The following CYFIP1 variants were observed in gnomAD, a reference collection of about 807,000 sequenced individuals.
CYFIP1 encodes the protein cytoplasmic FMR1-interacting protein 1.
In CYFIP1, 58 loss-of-function variants were observed where a neutral mutation model predicts 163.5. That is an observed-to-expected ratio of 0.35 (90% CI 0.29 to 0.44). The LOEUF (loss-of-function observed/expected upper bound fraction) is 0.44. CYFIP1 is among the 20% of genes least tolerant of loss of function. The probability of loss-of-function intolerance (pLI) is 1.00; values close to 1 mark genes in which losing one functional copy is unlikely to be tolerated. For missense variants in CYFIP1, 1,338 were observed against 1,653.8 expected (o/e 0.81, Z 3.31); for synonymous variants, 663 against 660.7 (o/e 1.00, Z -0.05).
chr15:22,971,005 G>A (rs1333813959), intron 1 of CYFIP1, among the ~76,000 whole-genome samples: 2 of 152,082 alleles, frequency 1.3e-5, no homozygotes, highest in Admixed American at 6.5e-5. Flanking sequence ...GAACCCGGGA[G>A]GCGGAGCTTG....
intron 23 of CYFIP1, among the ~76,000 whole-genome samples, chr15:22,885,739 C>T (rs1224146290): frequency 6.6e-6 from 1 of 152,090 alleles, no homozygotes; most frequent in South Asian, 2.1e-4. Context: ...TTTCAAAAAA[C>T]AAACAAACAA....
At chr15:22,962,325 T>C (rs1369323147) in intron 1 of CYFIP1, among the ~76,000 whole-genome samples, 5 of 152,212 alleles carry the variant, frequency 3.3e-5, no homozygotes, top group Non-Finnish European at 1.5e-5. Context: ...AGTGAGCCCC[T>C]GCTCTGCACC....
chr15:22,947,209 T>G lies in CYFIP1; in HGVS notation c.77A>C (p.Gln26Pro). 1.2e-6 allele frequency: 2 copies of G among 1,614,056 alleles called. No homozygotes were observed. Among genetic ancestry groups the G allele is most frequent in the Non-Finnish European group, 1.7e-6 (2 of 1,179,984 alleles). Residue 26 changes from glutamine to proline, a missense_variant, in exon 2 of 31, where the codon CAG becomes CCG. Coordinates refer to ENST00000617928, the MANE Select transcript of CYFIP1 (RefSeq NM_014608.6). ...GGATGGCGGGGGCTCGATGCAGGGC[T>G]GCTGGTCGGGCAGGGGCAGCTCCTC... is the stretch of plus-strand genomic sequence containing the variant. ...LLEELPLPDQ[Q>P]PCIEPPPSSL...
At chr15:22,976,491 T>C (rs1285184968) in intron 1 of CYFIP1, among the ~76,000 whole-genome samples, 1 of 147,378 alleles carries the variant, frequency 6.8e-6, no homozygotes, top group Non-Finnish European at 1.5e-5. Flanking sequence ...GCTAGTACAG[T>C]AGTCCCCACT....
chr15:22,938,978 C>T (rs1368286741), intron 8 of CYFIP1, among the ~76,000 whole-genome samples: 2 of 150,878 alleles, frequency 1.3e-5, no homozygotes. Flanking sequence ...GACCTCCTGG[C>T]CAGCACCTTC....
At chr15:22,907,292 C>G (rs1055433070) in intron 21 of CYFIP1, among the ~76,000 whole-genome samples, 1 of 152,176 alleles carries the variant, frequency 6.6e-6, no homozygotes, top group Non-Finnish European at 1.5e-5. Context: ...TGCCAGGTGG[C>G]GGGCAGCACA....
At chr15:22,889,055 C>CA (rs111385392) in intron 23 of CYFIP1, among the ~76,000 whole-genome samples, 51 of 150,148 alleles carry the variant, frequency 3.4e-4, no homozygotes, top group Admixed American at 5.9e-4. Flanking sequence ...AAAAAACACA[C>CA]AAAAAAAACA....
At chr15:22,941,628 G>A (rs747248562) in intron 6 of CYFIP1, among the ~76,000 whole-genome samples, 2 of 152,010 alleles carry the variant, frequency 1.3e-5, no homozygotes, top group Non-Finnish European at 2.9e-5. Context: ...GAGGTCAGAG[G>A]AAGAGGCAGC....
intron 1 of CYFIP1, among the ~76,000 whole-genome samples, chr15:22,975,349 A>G (rs1219382281): frequency 6.7e-6 from 1 of 148,686 alleles, no homozygotes; most frequent in Non-Finnish European, 1.5e-5. Flanking sequence ...GGGTGCCTGT[A>G]ATCTCAGCTA....
chr15:22,870,121 A>G lies in CYFIP1; in HGVS notation c.3669T>C (p.Asp1223=). ...CCCCGTCGCCTGACTTCAGGTACTT[A>G]TCCAGGATGGTGATGATCTCATCAT... ...ILNDEIITIL[D]KYLKSGDGEG... Residue 1223 remains aspartate, a synonymous_variant, in exon 31 of 31, where the codon GAT becomes GAC. Coordinates refer to ENST00000617928, the MANE Select transcript of CYFIP1 (RefSeq NM_014608.6). 1 of 1,613,096 alleles carries G rather than the reference A, an allele frequency of 6.2e-7. No individual in the cohort carries two copies. Among genetic ancestry groups the G allele is most frequent in the Admixed American group, 1.7e-5 (1 of 59,808 alleles).
intron 13 of CYFIP1, among the ~76,000 whole-genome samples, chr15:22,921,235 G>A (rs2061165566): frequency 6.6e-6 from 1 of 151,960 alleles, no homozygotes; most frequent in Non-Finnish European, 1.5e-5. Context: ...TGGTGTGGTG[G>A]TGCACACCTG....
chr15:22,892,987 A>G lies in CYFIP1; in HGVS notation c.2589-10T>C. 6.3e-7 allele frequency: 1 copy of G among 1,599,694 alleles called. No homozygotes were observed. ...CACTGTCCGAACAAACCTAAACAAG[A>G]AAGATTTAAAAAAGAAAAAGAAACC... On this transcript the variant is annotated splice_polypyrimidine_tract_variant and intron_variant, in intron 22 of 30. Transcript: ENST00000617928.
intron 1 of CYFIP1, among the ~76,000 whole-genome samples, chr15:22,972,672 A>G (rs1473553333): frequency 6.6e-6 from 1 of 152,206 alleles, no homozygotes; most frequent in African/African-American, 2.4e-5. Flanking sequence ...AAATAATATC[A>G]GACCTTGGCT....
chr15:22,892,479 C>T (rs978596423), intron 23 of CYFIP1, among the ~76,000 whole-genome samples: 7 of 152,130 alleles, frequency 4.6e-5, no homozygotes, highest in Non-Finnish European at 8.8e-5. Context: ...TCCGCTCCTC[C>T]GGTCAGGCCT....
chr15:22,898,370 G>C (rs1423419875), intron 22 of CYFIP1, among the ~76,000 whole-genome samples: 1 of 151,996 alleles, frequency 6.6e-6, no homozygotes, highest in Non-Finnish European at 1.5e-5. Context: ...CAATTCTCCT[G>C]CCTGGGCCTC....
intron 10 of CYFIP1, among the ~76,000 whole-genome samples, chr15:22,932,911 C>A (rs141509763): frequency 1.6e-4 from 24 of 152,198 alleles, no homozygotes; most frequent in African/African-American, 5.1e-4. Context: ...TTCACTGCAA[C>A]CTCCACCTCC....
chr15:22,914,684 C>T, intron 17 of CYFIP1, 42 bp downstream of exon 17: 1 of 1,565,930 alleles, frequency 6.4e-7, no homozygotes, highest in Admixed American at 1.8e-5. Flanking sequence ...GACCCCCGGT[C>T]ACCACACACA....
intron 18 of CYFIP1, among the ~76,000 whole-genome samples, chr15:22,911,460 C>T (rs552236298): frequency 2.0e-5 from 3 of 152,320 alleles, no homozygotes; most frequent in Middle Eastern, 3.4e-3. Flanking sequence ...GAGGCACCAC[C>T]GAGGGCCTTC....
intron 1 of CYFIP1, 108 bp downstream of exon 1, chr15:22,980,179 G>GGT (rs2063435447): frequency 6.7e-6 from 1 of 149,098 alleles, no homozygotes; most frequent in Admixed American, 6.7e-5. Flanking sequence ...TGGGGGGGAG[G>GGT]GGGGGGTCCG....
Sources: allele counts gnomAD v4.1 joint callset (sites outside exome capture counted in the v4.1 genomes callset), GRCh38; gene constraint gnomAD v4.1.1; transcripts MANE v1.5; gene names NCBI Gene and HGNC (gene_info 2026-07-23, HGNC 2026-07-21).